LGR4: variants seen among roughly 807,000 people sequenced by gnomAD.
LGR4 encodes leucine rich repeat containing G protein-coupled receptor 4.
A neutral mutation model predicts 84.8 loss-of-function variants in LGR4; 44 were observed. That is an observed-to-expected ratio of 0.52 (90% CI 0.41 to 0.67). The LOEUF (loss-of-function observed/expected upper bound fraction) is 0.67. Among genes scored for constraint, LGR4 ranks in the 30% least tolerant of loss-of-function variants. The pLI, the probability that LGR4 is intolerant of heterozygous loss-of-function variation, is 0.00. For missense variants in LGR4, 1,032 were observed against 1,131.4 expected, an observed-to-expected ratio of 0.91 and a Z score of 1.26; for synonymous variants, 429 against 434.3, an observed-to-expected ratio of 0.99 and a Z score of 0.15.
chr11:27,433,377 C>T (rs374108053), intron 1 of LGR4, among the ~76,000 whole-genome samples: 4 of 145,388 alleles, frequency 2.8e-5, no homozygotes, highest in African/African-American at 7.7e-5. Flanking sequence ...CATGCACGCC[C>T]GGCTAATTTA....
At chr11:27,415,419 C>T (rs1863796768) in intron 1 of LGR4, among the ~76,000 whole-genome samples, 1 of 152,116 alleles carries the variant, frequency 6.6e-6, no homozygotes, top group African/African-American at 2.4e-5. Context: ...ATTTACACCA[C>T]ACTATTCTCT....
Position 27,391,185 on chromosome 11 carries a change from TAGTG to T in LGR4, c.330-24_330-21del. 1 of 1,454,196 alleles carries T rather than the reference TAGTG, an allele frequency of 6.9e-7. No individual in the cohort carries two copies. Among genetic ancestry groups the T allele is most frequent in the Non-Finnish European group, 9.5e-7 (1 of 1,051,664 alleles). The allele number at this position is 1,454,196 out of a possible 1,614,324, so 90.1% of individuals were successfully genotyped here. A position where few individuals can be genotyped will look rare whatever the true frequency, so the allele number is the denominator to read the frequency against. On this transcript the variant is annotated intron_variant, in intron 3 of 17. Coordinates refer to ENST00000379214, the MANE Select transcript of LGR4 (RefSeq NM_018490.5). ...AGCGTTCTGAAAGAAAATTTTTGGT[TAGTG>T]AGTAACAAGTGATAGTTACCATTTT...
chr11:27,424,475 G>A (rs1197789387), intron 1 of LGR4, among the ~76,000 whole-genome samples: 1 of 152,128 alleles, frequency 6.6e-6, no homozygotes, highest in Non-Finnish European at 1.5e-5. Context: ...CTCCAGCCTA[G>A]GCAATAAAGT....
chr11:27,462,269 C>T (rs958162576), intron 1 of LGR4, among the ~76,000 whole-genome samples: 7 of 152,152 alleles, frequency 4.6e-5, no homozygotes, highest in East Asian at 1.9e-4. Flanking sequence ...AGAAACCCTG[C>T]GTTCCCATGT....
chr11:27,376,506 A>AACT (rs1378542499), intron 12 of LGR4, 136 bp from the exon 13 acceptor site: 2 of 481,854 alleles, frequency 4.2e-6, no homozygotes, highest in Non-Finnish European at 7.4e-6. Context: ...AACATTTCTT[A>AACT]GTTGAGTTTT....
intron 16 of LGR4, among the ~76,000 whole-genome samples, 189 bp downstream of exon 16, chr11:27,372,094 G>A (rs1339560595): frequency 6.6e-6 from 1 of 152,058 alleles, no homozygotes; most frequent in East Asian, 1.9e-4. Flanking sequence ...CGAACTCTTA[G>A]CCTCAAATGA....
chr11:27,385,241 A>T lies in LGR4; in HGVS notation c.617+12T>A. 1.3e-6 allele frequency: 2 copies of T among 1,512,062 alleles called. No homozygotes were observed. Among genetic ancestry groups the T allele is most frequent in the Non-Finnish European group, 1.8e-6 (2 of 1,116,768 alleles). The allele number at this position is 1,512,062 out of a possible 1,614,324, so 93.7% of individuals were successfully genotyped here. On this transcript the variant is annotated intron_variant, in intron 5 of 17. Coordinates refer to ENST00000379214, the MANE Select transcript of LGR4 (RefSeq NM_018490.5). ...ACACAAATATATGGAATTAAAAGGG[A>T]TAGATACTTACAGAACTACCAGGCT...
At chr11:27,417,302 G>A (rs1863839071) in intron 1 of LGR4, among the ~76,000 whole-genome samples, 1 of 151,924 alleles carries the variant, frequency 6.6e-6, no homozygotes, top group Non-Finnish European at 1.5e-5. Context: ...AACACATGTT[G>A]ATAATGACCA....
chr11:27,407,624 G>A (rs977919854), intron 2 of LGR4, among the ~76,000 whole-genome samples: 18 of 152,088 alleles, frequency 1.2e-4, no homozygotes, highest in African/African-American at 4.3e-4. Context: ...TTGAAACACA[G>A]GAACCAGATA....
At chr11:27,405,577 T>A (rs1323744019) in intron 2 of LGR4, among the ~76,000 whole-genome samples, 1 of 152,168 alleles carries the variant, frequency 6.6e-6, no homozygotes, top group Non-Finnish European at 1.5e-5. Context: ...CACATGTATG[T>A]TAAAAACAGC....
At chr11:27,463,125 AC>A (rs1302515160) in intron 1 of LGR4, among the ~76,000 whole-genome samples, 5 of 149,218 alleles carry the variant, frequency 3.4e-5, no homozygotes, top group African/African-American at 1.2e-4. Context: ...GGTGGCACTC[AC>A]CTGTAGTCCT....
At chr11:27,417,704 A>G (rs1317279285) in intron 1 of LGR4, among the ~76,000 whole-genome samples, 1 of 152,066 alleles carries the variant, frequency 6.6e-6, no homozygotes, top group Non-Finnish European at 1.5e-5. Context: ...ATCAACACCC[A>G]CTGGTAACCA....
intron 1 of LGR4, among the ~76,000 whole-genome samples, chr11:27,450,773 A>G (rs1439139574): frequency 6.6e-6 from 1 of 152,124 alleles, no homozygotes; most frequent in Non-Finnish European, 1.5e-5. Context: ...GGGCAACAAG[A>G]GCAAAACTGC....
intron 1 of LGR4, among the ~76,000 whole-genome samples, chr11:27,413,110 GA>G (rs1461416422): frequency 6.6e-6 from 1 of 152,004 alleles, no homozygotes; most frequent in African/African-American, 2.4e-5. Flanking sequence ...AGTATCCTTG[GA>G]AAAAAGTCTC....
chr11:27,420,766 C>G (rs1253135417), intron 1 of LGR4, among the ~76,000 whole-genome samples: 1 of 151,936 alleles, frequency 6.6e-6, no homozygotes, highest in Non-Finnish European at 1.5e-5. Context: ...TAATGTGTGT[C>G]TTGGGGGAAG....
chr11:27,452,686 C>G (rs527559931), intron 1 of LGR4, among the ~76,000 whole-genome samples: 1 of 143,714 alleles, frequency 7.0e-6, no homozygotes, highest in East Asian at 2.0e-4. Context: ...TGCAGTGGCG[C>G]GATCTCGGCT....
At chr11:27,432,824 T>C (rs1864137001) in intron 1 of LGR4, among the ~76,000 whole-genome samples, 1 of 152,166 alleles carries the variant, frequency 6.6e-6, no homozygotes. Context: ...TAGGTCCTCT[T>C]CCCTTAGATC....
At chr11:27,380,478 A>C (rs1863071273) in intron 9 of LGR4, 139 bp from the exon 10 acceptor site, 3 of 734,676 alleles carry the variant, frequency 4.1e-6, no homozygotes, top group Non-Finnish European at 6.7e-6. Flanking sequence ...AAGTATGATA[A>C]TGTGGCAAAG....
At chr11:27,447,888 G>A (rs995061969) in intron 1 of LGR4, among the ~76,000 whole-genome samples, 4 of 152,058 alleles carry the variant, frequency 2.6e-5, no homozygotes, top group South Asian at 2.1e-4. Flanking sequence ...CCAAAGTATC[G>A]CATTTCACTA....
Sources: gnomAD v4.1 joint callset for allele counts (sites outside exome capture counted in the v4.1 genomes callset) on GRCh38, gnomAD v4.1.1 for gene constraint, MANE v1.5 for transcripts, NCBI Gene and HGNC (gene_info 2026-07-23, HGNC 2026-07-21) for gene names.